IKBKE: variants seen among roughly 807,000 people sequenced by gnomAD.
The protein encoded by IKBKE is inhibitor of nuclear factor kappa B kinase subunit epsilon.
IKBKE carries 45 observed loss-of-function variants against 92.1 expected under a neutral mutation model. The ratio of observed to expected loss-of-function variants is 0.49; its 90% CI spans 0.38 to 0.63. The LOEUF is 0.63. Among genes scored for constraint, IKBKE ranks in the 20% least tolerant of loss-of-function variants. The pLI is 0.00. For missense variants in IKBKE, 700 were observed against 932.8 expected, an observed-to-expected ratio of 0.75 and a Z score of 3.25; for synonymous variants, 374 against 380.3, an observed-to-expected ratio of 0.98 and a Z score of 0.19.
At chr1:206,484,910 C>A in intron 13 of IKBKE, 87 bp from the exon 14 acceptor site, 2 of 1,067,556 alleles carry the variant, frequency 1.9e-6, no homozygotes, top group Non-Finnish European at 2.9e-6. Context: ...AGATGCTATG[C>A]CCAGCATGTG....
chr1:206,487,641 T>A lies in IKBKE; in HGVS notation c.1617-273T>A, dbSNP rs1665731548. 6.6e-6 allele frequency among the ~76,000 whole-genome samples: 1 copy of A among 152,152 alleles called. No individual in the cohort carries two copies. ...GTTCCTGTTGCCCGTCCTGCTTGGC[T>A]TCCTGTCTCTCTTATCTCCTACTTA... On this transcript the variant is annotated intron_variant, in intron 15 of 21. Coordinates refer to ENST00000581977, the MANE Select transcript of IKBKE (RefSeq NM_014002.4). The surrounding 1 kb of genome is among the most constrained non-coding windows in gnomAD (Gnocchi z 5.3).
chr1:206,496,420 C>A lies in IKBKE; in HGVS notation c.*275C>A. 2.0e-6 allele frequency: 1 copy of A among 492,178 alleles called. No individual in the cohort carries two copies. Among genetic ancestry groups the A allele is most frequent in the East Asian group, 3.4e-5 (1 of 29,620 alleles). The allele number at this position is 492,178 out of a possible 1,614,324, so 30.5% of individuals were successfully genotyped here. A position where few individuals can be genotyped will look rare whatever the true frequency, so the allele number is the denominator to read the frequency against. The stretch of plus-strand genomic sequence containing the variant: ...CTGACCTTTCTATCTTCTCTAGGCT[C>A]AGGTACTGCTCCTCCATGCCCATGG... On this transcript the variant is annotated 3_prime_UTR_variant, in exon 22 of 22. Transcript: ENST00000581977.
At chr1:206,477,607 G>C (rs1242292244) in intron 7 of IKBKE, 142 bp from the exon 8 acceptor site, 1 of 609,278 alleles carries the variant, frequency 1.6e-6, no homozygotes, top group Non-Finnish European at 3.0e-6. Flanking sequence ...CTGAGAGCCA[G>C]GTTTCTCACA....
chr1:206,476,424 C>A lies in IKBKE; in HGVS notation c.540+62C>A, dbSNP rs1220695267. The stretch of plus-strand genomic sequence containing the variant: ...AGGGCTCCCCTTGCCTTGTGAGCCC[C>A]CCAGAGCCCCCATGAGGGGGTGTGG... On this transcript the variant is annotated intron_variant, in intron 6 of 21. Transcript: ENST00000581977. This position sits in a 1 kb window ranked among gnomAD's most constrained non-coding sequence, Gnocchi z 5.1. The A allele has an allele frequency of 1.5e-5, 23 of 1,519,130 alleles. No individual in the cohort carries two copies. In the Admixed American group the frequency reaches 2.9e-4, roughly 19 times the overall value. 94.1% of individuals were successfully genotyped at this position (1,519,130 alleles called of 1,614,324 possible).
In IKBKE at chr1:206,485,748, C is replaced by T. The variant is rs1014694664; in HGVS notation, c.1616+442C>T. 6.6e-5 allele frequency among the ~76,000 whole-genome samples: 10 copies of T among 152,220 alleles called. No individual in the cohort carries two copies. Among genetic ancestry groups the T allele is most frequent in the Admixed American group, 1.3e-4 (2 of 15,276 alleles). On this transcript the variant is annotated intron_variant, in intron 15 of 21. Coordinates refer to ENST00000581977, the MANE Select transcript of IKBKE (RefSeq NM_014002.4). This position sits in a 1 kb window ranked among gnomAD's most constrained non-coding sequence, Gnocchi z 5.0. ...ACCCTGAGTCACAGCCAGTAAATGA[C>T]AAATGACAGAGGTGGCTTCAGGTCG...
chr1:206,492,775 T>C (rs1553390876), intron 18 of IKBKE: 1 of 630,990 alleles, frequency 1.6e-6, no homozygotes. Context: ...CCCAGCCACA[T>C]GCATGTTGTT....
chr1:206,472,126 T>G (rs1394149728), intron 2 of IKBKE, among the ~76,000 whole-genome samples: 1 of 152,158 alleles, frequency 6.6e-6, no homozygotes, highest in African/African-American at 2.4e-5. Context: ...GGTGCACACC[T>G]ATGGTCCTAA....
rs1254120155 is a variant in IKBKE, at chr1:206,474,437, A to G, written c.194A>G (p.Gln65Arg). The G allele has an allele frequency of 3.1e-6, 5 of 1,614,080 alleles. No homozygotes were observed. Among genetic ancestry groups the G allele is most frequent in the East Asian group, 2.2e-5 (1 of 44,904 alleles). ...EFEVLRKLNH[Q>R]NIVKLFAVEE... ...GAGGTCCTGCGGAAGCTGAACCACCAGAACATTGTCAAGCTCTTTGCGGTG... is the reference window on the plus strand; with the variant it reads ...GAGGTCCTGCGGAAGCTGAACCACCGGAACATTGTCAAGCTCTTTGCGGTG... The change falls in exon 4 of 22, where the codon CAG (glutamine) becomes CGG (arginine). Residue 65 changes from glutamine to arginine, a missense_variant. Physicochemically the swap from Gln to Arg is conservative, Grantham distance 43. Transcript: ENST00000581977.
rs1553391005 is a variant in IKBKE at position 206,493,007 on chromosome 1, T to A, written c.1836-16T>A. 4.5e-6 allele frequency: 7 copies of A among 1,555,780 alleles called. No individual in the cohort carries two copies. The highest frequency in any genetic ancestry group is 6.1e-6 in the Non-Finnish European group (7 of 1,148,434). ...GAGTCCTGCTCTAATTCTAAGTCTC[T>A]GTGTGTTCTCTTGAGGGTGGTGCAC... is the stretch of plus-strand genomic sequence containing the variant. On this transcript the variant is annotated splice_polypyrimidine_tract_variant and intron_variant, in intron 18 of 21. Coordinates refer to ENST00000581977, the MANE Select transcript of IKBKE (RefSeq NM_014002.4).
intron 8 of IKBKE, 33 bp downstream of exon 8, chr1:206,477,892 A>T: frequency 7.2e-7 from 1 of 1,390,190 alleles, no homozygotes; most frequent in Non-Finnish European, 1.0e-6. Flanking sequence ...GTGATGCTGG[A>T]GTCTGAGCTG....
chr1:206,473,186 C>T lies in IKBKE; in HGVS notation c.-32-10C>T. The T allele has an allele frequency of 6.5e-7, 1 of 1,531,788 alleles. No individual in the cohort carries two copies. The highest frequency in any genetic ancestry group is 9.0e-7 in the Non-Finnish European group (1 of 1,114,556). The allele number at this position is 1,531,788 out of a possible 1,614,324, so 94.9% of individuals were successfully genotyped here. A position where few individuals can be genotyped will look rare whatever the true frequency, so the allele number is the denominator to read the frequency against. On this transcript the variant is annotated splice_polypyrimidine_tract_variant and intron_variant, in intron 2 of 21. Transcript: ENST00000581977. ...TGGAATCCTGGGCCCCCAGCATGCT[C>T]TTTCTCTAGGCAGAAGGTGACCAGC...
intron 16 of IKBKE, among the ~76,000 whole-genome samples, chr1:206,489,446 T>C (rs1227368308): frequency 2.7e-5 from 4 of 149,634 alleles, no homozygotes; most frequent in Non-Finnish European, 5.9e-5. Flanking sequence ...CTCATGTCTG[T>C]AATCTCAGCA....
At position 206,485,096 on chromosome 1, in the gene IKBKE, G is replaced by T. The variant is rs1305667605; in HGVS notation, c.1503+24G>T. On this transcript the variant is annotated intron_variant, in intron 14 of 21. Coordinates refer to ENST00000581977, the MANE Select transcript of IKBKE (RefSeq NM_014002.4). The surrounding 1 kb of genome is among the most constrained non-coding windows in gnomAD (Gnocchi z 5.0). ...CTGTGAGTGAGGCTGGAGGGCAAGG[G>T]CTTAGCAGGATCAGAGCTGGGGGCC... The T allele has an allele frequency of 9.9e-6, 16 of 1,609,714 alleles. No homozygotes were observed. Among genetic ancestry groups the T allele is most frequent in the African/African-American group, 2.7e-5 (2 of 74,846 alleles).
chr1:206,491,825 G>A (rs1665964414), intron 18 of IKBKE, 76 bp downstream of exon 18: 1 of 1,049,604 alleles, frequency 9.5e-7, no homozygotes, highest in African/African-American at 1.6e-5. Context: ...CCAGGGCTTT[G>A]TGGAGCCCTG....
chr1:206,480,112 A>G lies in IKBKE; in HGVS notation c.1339A>G (p.Met447Val). 6.5e-7 allele frequency: 1 copy of G among 1,528,052 alleles called. No individual in the cohort carries two copies. The highest frequency in any genetic ancestry group is 8.8e-7 in the Non-Finnish European group (1 of 1,135,192). The allele number at this position is 1,528,052 out of a possible 1,614,324, so 94.7% of individuals were successfully genotyped here. A position where few individuals can be genotyped will look rare whatever the true frequency, so the allele number is the denominator to read the frequency against. Residue 447 changes from methionine (M) to valine (V), a missense_variant and splice_region_variant, in exon 12 of 22, where the codon ATG becomes GTG. Physicochemically the swap from Met to Val is conservative, Grantham distance 21. Coordinates refer to ENST00000581977, the MANE Select transcript of IKBKE (RefSeq NM_014002.4). ...AATGTTTCGGGGGCTGCACTGGGTC[A>G]TGTGAGTAATCATGAGGGCTGGGCA... Reference protein sequence around the residue: ...ELMFRGLHWVMEVLQATCRRT... With the variant: ...ELMFRGLHWVVEVLQATCRRT...
intron 16 of IKBKE, among the ~76,000 whole-genome samples, chr1:206,489,363 GTGTGTGTATATATA>G (rs1203687593): frequency 1.8e-4 from 5 of 28,336 alleles, no homozygotes; most frequent in Non-Finnish European, 5.8e-4. Flanking sequence ...GTGTGTGTGT[GTGTGTGTATATATA>G]TATATATATA....
chr1:206,475,233 T>C (rs1032253304), intron 5 of IKBKE: 12 of 519,082 alleles, frequency 2.3e-5, no homozygotes, highest in Non-Finnish European at 3.4e-5. Context: ...TAGAATATTA[T>C]TCAGTCTTAA....
At chr1:206,488,075 G>GAAAA in intron 16 of IKBKE, 85 bp downstream of exon 16, 11 of 1,039,646 alleles carry the variant, frequency 1.1e-5, no homozygotes, top group Non-Finnish European at 1.5e-5. Flanking sequence ...TGCTACCAGT[G>GAAAA]GCCACTAACC....
rs1027625390 is a variant in IKBKE at position 206,476,901 on chromosome 1, G to A, written c.701+63G>A. 29 of 1,574,830 alleles carry A rather than the reference G, an allele frequency of 1.8e-5. No individual in the cohort carries two copies. The East Asian group carries it at 2.0e-4, about 11-fold the overall frequency. ...GCAGTCCCCTGGCCCTTCCCCCACC[G>A]GTCCTTGCTGTGTCTTCTGGTCCCC... On this transcript the variant is annotated intron_variant, in intron 7 of 21. Coordinates refer to ENST00000581977, the MANE Select transcript of IKBKE (RefSeq NM_014002.4). This position sits in a 1 kb window ranked among gnomAD's most constrained non-coding sequence, Gnocchi z 5.1.
Sources: gnomAD v4.1 joint callset for allele counts (sites outside exome capture counted in the v4.1 genomes callset) on GRCh38, gnomAD v4.1.1 for gene constraint, Gnocchi (gnomAD v3.1) non-coding constraint, MANE v1.5 for transcripts, NCBI Gene and HGNC (gene_info 2026-07-23, HGNC 2026-07-21) for gene names.